The following PXDNL variants were observed in gnomAD, a reference collection of about 807,000 sequenced individuals.
PXDNL encodes peroxidasin like.
In PXDNL, 145 loss-of-function variants were observed where a neutral mutation model predicts 150.8. That is an observed-to-expected ratio of 0.96 (90% CI 0.84 to 1.10). The LOEUF is 1.10. Ranked by LOEUF, PXDNL falls within the 50% of genes least tolerant of loss-of-function variation. PXDNL has a pLI of 0.00. For missense variants in PXDNL, 2,087 were observed against 1,873.9 expected, an observed-to-expected ratio of 1.11 and a Z score of -2.10; for synonymous variants, 757 against 725.7, an observed-to-expected ratio of 1.04 and a Z score of -0.69.
At chr8:51,582,117 C>A (rs1813223698) in intron 3 of PXDNL, among the ~76,000 whole-genome samples, 1 of 152,104 alleles carries the variant, frequency 6.6e-6, no homozygotes, top group Admixed American at 6.5e-5. Flanking sequence ...TATGTTGAAG[C>A]TCTAACCTCA....
At chr8:51,583,169 A>T (rs1032576087) in intron 3 of PXDNL, among the ~76,000 whole-genome samples, 1 of 152,166 alleles carries the variant, frequency 6.6e-6, no homozygotes, top group Non-Finnish European at 1.5e-5. Flanking sequence ...CATCGCTTTA[A>T]AGGAATATCT....
chr8:51,334,559 G>A (rs1260765824), intron 21 of PXDNL, among the ~76,000 whole-genome samples: 1 of 152,072 alleles, frequency 6.6e-6, no homozygotes, highest in Non-Finnish European at 1.5e-5. Context: ...AAATAAAATT[G>A]ATAGACCATT....
chr8:51,351,443 A>C (rs1041875758), intron 19 of PXDNL, among the ~76,000 whole-genome samples: 3 of 152,174 alleles, frequency 2.0e-5, no homozygotes, highest in African/African-American at 7.2e-5. Flanking sequence ...GAAACAATGG[A>C]TGTTGGCAAA....
At chr8:51,785,488 T>A (rs530344269) in intron 1 of PXDNL, among the ~76,000 whole-genome samples, 1 of 152,376 alleles carries the variant, frequency 6.6e-6, no homozygotes, top group South Asian at 2.1e-4. Context: ...GGAGCAAGTC[T>A]ACTGGTGACA....
intron 2 of PXDNL, among the ~76,000 whole-genome samples, chr8:51,601,897 T>A (rs556383762): frequency 1.3e-3 from 204 of 152,066 alleles, no homozygotes; most frequent in Non-Finnish European, 2.7e-3. Flanking sequence ...TCATTAAGAA[T>A]CTCATGTAAG....
intron 2 of PXDNL, among the ~76,000 whole-genome samples, chr8:51,623,865 G>A: frequency 6.6e-6 from 1 of 152,156 alleles, no homozygotes; most frequent in Non-Finnish European, 1.5e-5. Context: ...AGGCCAAGGT[G>A]GAAGGCTCAC....
intron 4 of PXDNL, among the ~76,000 whole-genome samples, chr8:51,522,075 T>C (rs533679643): frequency 6.6e-6 from 1 of 152,232 alleles, no homozygotes; most frequent in South Asian, 2.1e-4. Flanking sequence ...ATACAAAAAA[T>C]TGAGAGAATA....
At chr8:51,800,226 CATTCCTGCATGCAACATATTTT>C (rs1418070616) in intron 1 of PXDNL, among the ~76,000 whole-genome samples, 1 of 152,010 alleles carries the variant, frequency 6.6e-6, no homozygotes, top group Non-Finnish European at 1.5e-5. Flanking sequence ...CCAATTGGCT[CATTCCTGCATGCAACATATTTT>C]ATGTTAATAT....
intron 4 of PXDNL, among the ~76,000 whole-genome samples, chr8:51,519,142 T>G (rs557508481): frequency 6.6e-6 from 1 of 152,352 alleles, no homozygotes; most frequent in Admixed American, 6.5e-5. Context: ...GTAGTTTTAA[T>G]TCTGTGATGG....
At chr8:51,762,058 G>A (rs915454032) in intron 1 of PXDNL, among the ~76,000 whole-genome samples, 2 of 152,132 alleles carry the variant, frequency 1.3e-5, no homozygotes, top group African/African-American at 2.4e-5. Context: ...ATTTATTTCT[G>A]TATAACTTCA....
At chr8:51,360,161 A>G (rs1806674610) in intron 19 of PXDNL, among the ~76,000 whole-genome samples, 2 of 152,188 alleles carry the variant, frequency 1.3e-5, no homozygotes, top group Admixed American at 6.5e-5. Flanking sequence ...ATACCTATAC[A>G]TGCATGTATA....
chr8:51,682,541 T>C (rs921201275), intron 1 of PXDNL, among the ~76,000 whole-genome samples: 1 of 152,166 alleles, frequency 6.6e-6, no homozygotes, highest in Non-Finnish European at 1.5e-5. Flanking sequence ...CTTAATCTGT[T>C]TGCTGCTGAA....
intron 3 of PXDNL, among the ~76,000 whole-genome samples, chr8:51,577,999 G>GAAAGAGGAAGGA (rs1409948869): frequency 1.6e-4 from 5 of 31,526 alleles, no homozygotes; most frequent in Admixed American, 3.7e-4. Flanking sequence ...AAGAAAGAAA[G>GAAAGAGGAAGGA]AGGAAGGAAG....
intron 12 of PXDNL, among the ~76,000 whole-genome samples, chr8:51,429,141 C>A (rs569332723): frequency 6.6e-6 from 1 of 152,300 alleles, no homozygotes. Context: ...TATTACTACA[C>A]ACCTATGAAA....
chr8:51,653,186 G>A (rs1365167971), intron 2 of PXDNL, among the ~76,000 whole-genome samples: 3 of 152,088 alleles, frequency 2.0e-5, no homozygotes, highest in African/African-American at 4.8e-5. Context: ...TTGGGAGGCC[G>A]AGGCGGATGG....
intron 4 of PXDNL, among the ~76,000 whole-genome samples, chr8:51,508,103 C>T (rs549126486): frequency 4.9e-4 from 74 of 152,250 alleles, no homozygotes; most frequent in African/African-American, 1.6e-3. Context: ...ACCAATGGTA[C>T]TCGATGGCAC....
At chr8:51,760,952 G>A (rs1196154740) in intron 1 of PXDNL, among the ~76,000 whole-genome samples, 1 of 137,404 alleles carries the variant, frequency 7.3e-6, no homozygotes, top group South Asian at 2.4e-4. Flanking sequence ...TCCGCCTCCC[G>A]GGTTCACGCC....
chr8:51,730,752 G>A (rs1816901288), intron 1 of PXDNL, among the ~76,000 whole-genome samples: 1 of 152,160 alleles, frequency 6.6e-6, no homozygotes, highest in Non-Finnish European at 1.5e-5. Context: ...ACATGGCTGG[G>A]GAGGCCTCAC....
At chr8:51,738,749 G>T (rs1329538501) in intron 1 of PXDNL, among the ~76,000 whole-genome samples, 6 of 152,110 alleles carry the variant, frequency 3.9e-5, no homozygotes, top group Non-Finnish European at 5.9e-5. Context: ...TTGTAACTTA[G>T]AAATTCTCAA....
Sources: allele counts gnomAD v4.1 joint callset (sites outside exome capture counted in the v4.1 genomes callset), GRCh38; gene constraint gnomAD v4.1.1; transcripts MANE v1.5; gene names NCBI Gene and HGNC (gene_info 2026-07-23, HGNC 2026-07-21).